Variants in CAMKMT observed in about 807,000 individuals in gnomAD.
The protein encoded by CAMKMT is CaM KMT.
CAMKMT carries 53 observed loss-of-function variants against 48.0 expected under a neutral mutation model. That is an observed-to-expected ratio of 1.10 (90% CI 0.89 to 1.39). CAMKMT has a LOEUF of 1.39. Ranked by LOEUF, CAMKMT falls within the 40% of genes most tolerant of loss-of-function variation. The pLI is 0.00. For missense variants in CAMKMT, 428 were observed against 402.7 expected (o/e 1.06, Z -0.54); for synonymous variants, 165 against 152.3 (o/e 1.08, Z -0.61).
At chr2:44,698,015 A>G (rs146461714) in intron 3 of CAMKMT, among the ~76,000 whole-genome samples, 1 of 151,888 alleles carries the variant, frequency 6.6e-6, no homozygotes, top group Non-Finnish European at 1.5e-5. Flanking sequence ...TCTTTAAACT[A>G]TGTGTCTCTA....
chr2:44,591,772 A>G (rs947153225), intron 3 of CAMKMT, among the ~76,000 whole-genome samples: 3 of 151,976 alleles, frequency 2.0e-5, no homozygotes, highest in African/African-American at 7.2e-5. Context: ...ACGTATGTTT[A>G]TTGCGGCACT....
At chr2:44,456,549 GTCA>G in intron 3 of CAMKMT, 1 of 1,549,500 alleles carries the variant, frequency 6.5e-7, no homozygotes, top group Non-Finnish European at 8.7e-7. Context: ...TTCTATACAT[GTCA>G]TCCTTTCTCT....
chr2:44,455,521 G>C (rs1221118772), intron 3 of CAMKMT, among the ~76,000 whole-genome samples: 2 of 152,150 alleles, frequency 1.3e-5, no homozygotes, highest in East Asian at 3.8e-4. Context: ...AATTTAATGG[G>C]ATATGGTCTA....
At position 44,690,037 on chromosome 2, in the gene CAMKMT, T is replaced by G. The variant is rs569174806; in HGVS notation, c.377-14246T>G. Among the ~76,000 whole-genome samples, 4 of 152,312 alleles carry G rather than the reference T, an allele frequency of 2.6e-5. No homozygotes were observed. The South Asian group carries it at 8.3e-4, about 32-fold the overall frequency. On this transcript the variant is annotated intron_variant, in intron 3 of 10. Coordinates refer to ENST00000378494, the MANE Select transcript of CAMKMT (RefSeq NM_024766.5). The stretch of plus-strand genomic sequence containing the variant: ...CAGTTATTTTCTGAAGCTCTGAGAT[T>G]TAATTAACAAAGGTAGTTCTAATTC...
rs185026841 is a variant in CAMKMT, at chr2:44,759,530, G to T, written c.762+5412G>T. 2.8e-3 allele frequency among the ~76,000 whole-genome samples: 422 copies of T among 152,160 alleles called. 2 individuals are homozygous for T. The highest frequency in any genetic ancestry group is 0.01 in the Middle Eastern group (3 of 294). ...TTGCTTGTTTCAGGGAAATTGCCTT[G>T]TGTATGTGGGATCAGTACCGTGAAC... On this transcript the variant is annotated intron_variant, in intron 9 of 10. Coordinates refer to ENST00000378494, the MANE Select transcript of CAMKMT (RefSeq NM_024766.5).
At chr2:44,768,361 A>ATTT (rs1553448674) in intron 10 of CAMKMT, among the ~76,000 whole-genome samples, 2,788 of 115,678 alleles carry the variant, frequency 0.024, 50 homozygotes, top group South Asian at 0.036. Context: ...ATATATATAT[A>ATTT]TTTTTTTTTT....
chr2:44,466,970 G>A (rs1328482482), intron 3 of CAMKMT, among the ~76,000 whole-genome samples: 3 of 152,130 alleles, frequency 2.0e-5, no homozygotes, highest in Non-Finnish European at 4.4e-5. Context: ...ATAAAAATAG[G>A]CCAGTCACGG....
At chr2:44,683,601 G>A (rs143376202) in intron 3 of CAMKMT, among the ~76,000 whole-genome samples, 75 of 152,042 alleles carry the variant, frequency 4.9e-4, no homozygotes, top group African/African-American at 1.6e-3. Flanking sequence ...CGGGCGGATC[G>A]CAAGGTCAGG....
intron 7 of CAMKMT, among the ~76,000 whole-genome samples, chr2:44,727,286 T>G (rs1406535960): frequency 6.6e-6 from 1 of 152,234 alleles, no homozygotes; most frequent in African/African-American, 2.4e-5. Flanking sequence ...GTGTTGTCTT[T>G]GATTTCTTTC....
chr2:44,395,023 C>T (rs761176634), intron 3 of CAMKMT: 12 of 446,578 alleles, frequency 2.7e-5, no homozygotes, highest in Non-Finnish European at 4.5e-5. Context: ...ATTTATCTTC[C>T]TGGTTTTTCT....
chr2:44,488,296 C>T (rs1486068751), intron 3 of CAMKMT, among the ~76,000 whole-genome samples: 4 of 152,006 alleles, frequency 2.6e-5, no homozygotes, highest in East Asian at 1.9e-4. Context: ...GTCAGGAGTT[C>T]GAGACACCAG....
chr2:44,642,574 G>A (rs1673506063), intron 3 of CAMKMT, among the ~76,000 whole-genome samples: 1 of 152,198 alleles, frequency 6.6e-6, no homozygotes, highest in Non-Finnish European at 1.5e-5. Context: ...TCTCTGCATT[G>A]TGTGTCTGTG....
chr2:44,630,621 A>T (rs1672756765), intron 3 of CAMKMT, among the ~76,000 whole-genome samples: 1 of 151,944 alleles, frequency 6.6e-6, no homozygotes, highest in African/African-American at 2.4e-5. Flanking sequence ...GAAGACATTT[A>T]TGCAGCCAAA....
At chr2:44,385,533 G>A (rs946580916) in intron 2 of CAMKMT, among the ~76,000 whole-genome samples, 2 of 151,436 alleles carry the variant, frequency 1.3e-5, no homozygotes, top group African/African-American at 4.8e-5. Context: ...GGTGAGAGTG[G>A]GCATCCTTGT....
intron 3 of CAMKMT, among the ~76,000 whole-genome samples, chr2:44,563,554 A>G (rs1668442001): frequency 6.8e-6 from 1 of 146,572 alleles, no homozygotes; most frequent in Admixed American, 7.0e-5. Flanking sequence ...TACATGTGCC[A>G]TGTTGGTTTG....
In CAMKMT at chr2:44,598,244, AT is replaced by A. The variant is rs1001238568; in HGVS notation, c.377-106033del. Among the ~76,000 whole-genome samples, 18 of 152,042 alleles carry A rather than the reference AT, an allele frequency of 1.2e-4. 1 individual carries two copies. The highest frequency in any genetic ancestry group is 4.1e-4 in the African/African-American group (17 of 41,394). ...TGGTTAGTTTAGTAAAAATAAGAAT[AT>A]TTTTTCCTTGCAAGTTCATGGACCC... On this transcript the variant is annotated intron_variant, in intron 3 of 10. Transcript: ENST00000378494.
intron 3 of CAMKMT, among the ~76,000 whole-genome samples, chr2:44,678,887 T>A (rs519944): frequency 0.49 from 74,397 of 151,976 alleles, 19,142 homozygotes; most frequent in Non-Finnish European, 0.55. Flanking sequence ...TTCATAATTA[T>A]CTATCTTGGC....
At chr2:44,666,207 C>G (rs539729849) in intron 3 of CAMKMT, among the ~76,000 whole-genome samples, 1 of 152,108 alleles carries the variant, frequency 6.6e-6, no homozygotes, top group Non-Finnish European at 1.5e-5. Context: ...AAAAATTGTT[C>G]GACCTGAATA....
intron 3 of CAMKMT, among the ~76,000 whole-genome samples, chr2:44,472,293 A>T (rs921731442): frequency 2.4e-4 from 36 of 152,148 alleles, no homozygotes; most frequent in African/African-American, 8.4e-4. Context: ...CAGGATATTA[A>T]ATGGGCAATT....
Sources: allele counts gnomAD v4.1 joint callset (sites outside exome capture counted in the v4.1 genomes callset), GRCh38; gene constraint gnomAD v4.1.1; transcripts MANE v1.5; gene names NCBI Gene and HGNC (gene_info 2026-07-23, HGNC 2026-07-21).